The following KANSL1L variants were observed in gnomAD, a reference collection of about 807,000 sequenced individuals.
KANSL1L encodes the protein KAT8 regulatory NSL complex subunit 1 like, also known as KAT8 regulatory NSL complex subunit 1-like protein.
KANSL1L carries 25 observed loss-of-function variants against 108.6 expected under a neutral mutation model. The ratio of observed to expected loss-of-function variants is 0.23; its 90% CI spans 0.17 to 0.32. KANSL1L has a LOEUF of 0.32. KANSL1L is among the 10% of genes least tolerant of loss of function. The pLI, the probability that KANSL1L is intolerant of heterozygous loss-of-function variation, is 1.00. For missense variants in KANSL1L, 1,137 were observed against 1,125.7 expected, an observed-to-expected ratio of 1.01 and a Z score of -0.14; for synonymous variants, 405 against 395.1, an observed-to-expected ratio of 1.03 and a Z score of -0.30.
chr2:210,161,387 A>AT (rs2095360648), intron 1 of KANSL1L, among the ~76,000 whole-genome samples: 1 of 152,222 alleles, frequency 6.6e-6, no homozygotes, highest in South Asian at 2.1e-4. Flanking sequence ...GGAAAAAAAA[A>AT]TGAAACTGAA....
chr2:210,094,224 T>C (rs1409778418), intron 5 of KANSL1L, among the ~76,000 whole-genome samples: 6 of 152,162 alleles, frequency 3.9e-5, no homozygotes. Flanking sequence ...GTTATGTATG[T>C]TTTATAATTT....
At chr2:210,079,642 A>ATATATATATGTATGTATGTG (rs1559539615) in intron 5 of KANSL1L, among the ~76,000 whole-genome samples, 1 of 6,476 alleles carries the variant, frequency 1.5e-4, no homozygotes. Flanking sequence ...ATATATATAT[A>ATATATATATGTATGTATGTG]TATATATATA....
At chr2:210,166,058 G>A (rs1005351362) in intron 1 of KANSL1L, among the ~76,000 whole-genome samples, 2 of 152,118 alleles carry the variant, frequency 1.3e-5, no homozygotes, top group Non-Finnish European at 2.9e-5. Context: ...TACTGTCTGC[G>A]ATTTCAGGTA....
At position 210,153,762 on chromosome 2, in the gene KANSL1L, GTCTTCATTTTGGGGAGTTGA is replaced by G. The variant is rs1254483067; in HGVS notation, c.801_820del (p.Gln268IlefsTer3). 1.2e-6 allele frequency: 2 copies of G among 1,611,674 alleles called. No homozygotes were observed. Among genetic ancestry groups the G allele is most frequent in the Non-Finnish European group, 1.7e-6 (2 of 1,179,280 alleles). On this transcript the variant is annotated frameshift_variant, in exon 2 of 15. Transcript: ENST00000281772. LOFTEE classifies it high-confidence loss of function. ...CAAAATTGTGGTAGGTTCATGAAAT[GTCTTCATTTTGGGGAGTTGA>G]TGTTTCATAGACAATTTCATCTGCT...
intron 5 of KANSL1L, among the ~76,000 whole-genome samples, chr2:210,079,648 A>ATG (rs1553653241): frequency 5.9e-4 from 9 of 15,218 alleles, no homozygotes; most frequent in African/African-American, 2.0e-3. Flanking sequence ...ATATATATAT[A>ATG]TATATATATA....
At chr2:210,027,153 A>G (rs1478993604) in intron 12 of KANSL1L, 143 bp downstream of exon 12, 1 of 565,920 alleles carries the variant, frequency 1.8e-6, no homozygotes, top group East Asian at 2.9e-5. Flanking sequence ...TTCTTTTAAA[A>G]GAACTTCCTT....
chr2:210,165,368 T>C (rs1181517745), intron 1 of KANSL1L, among the ~76,000 whole-genome samples: 1 of 152,042 alleles, frequency 6.6e-6, no homozygotes, highest in African/African-American at 2.4e-5. Context: ...GAAGTCTTAT[T>C]AAAAAACACC....
intron 2 of KANSL1L, among the ~76,000 whole-genome samples, chr2:210,139,346 C>T (rs1291818245): frequency 6.6e-6 from 1 of 152,104 alleles, no homozygotes; most frequent in East Asian, 1.9e-4. Context: ...CATACTTTGG[C>T]CACTGTAAAT....
At chr2:210,049,850 T>C (rs1326671843) in intron 6 of KANSL1L, among the ~76,000 whole-genome samples, 2 of 152,202 alleles carry the variant, frequency 1.3e-5, no homozygotes, top group Admixed American at 1.3e-4. Context: ...GGAGAACAGC[T>C]ATAGGACTGA....
intron 5 of KANSL1L, among the ~76,000 whole-genome samples, chr2:210,076,209 T>C (rs1023434134): frequency 6.6e-6 from 1 of 152,120 alleles, no homozygotes; most frequent in African/African-American, 2.4e-5. Flanking sequence ...TGAGATGGAG[T>C]CTCACTCAGC....
chr2:210,109,560 G>C (rs2094884674), intron 3 of KANSL1L, among the ~76,000 whole-genome samples: 2 of 152,066 alleles, frequency 1.3e-5, no homozygotes, highest in South Asian at 4.1e-4. Flanking sequence ...GGGAAAAATA[G>C]ATCACAATGA....
intron 3 of KANSL1L, among the ~76,000 whole-genome samples, chr2:210,107,529 T>C (rs1327754544): frequency 6.9e-6 from 1 of 144,194 alleles, no homozygotes; most frequent in Non-Finnish European, 1.5e-5. Context: ...AATATATATA[T>C]ATATATTTTT....
At chr2:210,077,142 T>C (rs1575483292) in intron 5 of KANSL1L, among the ~76,000 whole-genome samples, 1 of 152,132 alleles carries the variant, frequency 6.6e-6, no homozygotes, top group South Asian at 2.1e-4. Context: ...TTGGTAAAAC[T>C]AAATAAAATA....
At chr2:210,048,135 A>G (rs2094245903) in intron 6 of KANSL1L, among the ~76,000 whole-genome samples, 1 of 152,176 alleles carries the variant, frequency 6.6e-6, no homozygotes, top group Admixed American at 6.5e-5. Flanking sequence ...CATTGGTCAA[A>G]AATGCTCTGA....
chr2:210,053,038 C>A (rs774919049), intron 6 of KANSL1L, among the ~76,000 whole-genome samples: 15 of 152,176 alleles, frequency 9.9e-5, no homozygotes, highest in Non-Finnish European at 1.9e-4. Flanking sequence ...AAGTCTCATT[C>A]ATGTTAAGCA....
intron 2 of KANSL1L, among the ~76,000 whole-genome samples, chr2:210,146,689 G>A (rs1328273247): frequency 1.3e-5 from 2 of 152,182 alleles, no homozygotes; most frequent in African/African-American, 4.8e-5. Flanking sequence ...GATTCTGTGA[G>A]AATCAAGGCA....
At position 210,024,179 on chromosome 2, in the gene KANSL1L, C is replaced by T; in HGVS notation, c.2587G>A (p.Gly863Arg). The T allele has an allele frequency of 2.5e-6, 4 of 1,585,620 alleles. No homozygotes were observed. The South Asian group carries it at 4.6e-5, about 18-fold the overall frequency. Residue 863 changes from glycine to arginine, a missense_variant, in exon 14 of 15, where the codon GGA becomes AGA. By Grantham distance (125) the Gly-to-Arg change is moderately radical (BLOSUM62 -2). Transcript: ENST00000281772. The part of the protein sequence containing the change: ...NSRAYSKNVE[G>R]QDLLLKEYPN... ...TATTCTTTCAAAAGCAAGTCCTGTC[C>T]TTCAACATTTTTACTGTAAGCTCTA...
intron 5 of KANSL1L, among the ~76,000 whole-genome samples, chr2:210,090,441 A>G (rs2094683363): frequency 6.6e-6 from 1 of 152,184 alleles, no homozygotes; most frequent in African/African-American, 2.4e-5. Context: ...ATTTTTTGGA[A>G]CAGAGAATAT....
rs546461764 is a variant in KANSL1L at position 210,114,101 on chromosome 2, T to A, written c.1231-9800A>T. On this transcript the variant is annotated intron_variant, in intron 3 of 14. Coordinates refer to ENST00000281772, the MANE Select transcript of KANSL1L (RefSeq NM_152519.4). ...AAAGCTGAATGAGCTCCAAATAAGA[T>A]GAATCCAAAGAGTACTACAAAGAAA... 3.9e-5 allele frequency among the ~76,000 whole-genome samples: 6 copies of A among 152,168 alleles called. No homozygotes were observed. In the South Asian group the frequency reaches 1.2e-3, roughly 32 times the overall value.
Sources: allele counts gnomAD v4.1 joint callset (sites outside exome capture counted in the v4.1 genomes callset), GRCh38; gene constraint gnomAD v4.1.1; transcripts MANE v1.5; gene names NCBI Gene and HGNC (gene_info 2026-07-23, HGNC 2026-07-21).